TNFRSF11A: variants seen among roughly 807,000 people sequenced by gnomAD.
TNFRSF11A encodes TNF receptor superfamily member 11a.
A neutral mutation model predicts 55.7 loss-of-function variants in TNFRSF11A; 32 were observed. That is an observed-to-expected ratio of 0.57 (90% CI 0.43 to 0.77). TNFRSF11A has a LOEUF of 0.77. Among genes scored for constraint, TNFRSF11A ranks in the 30% least tolerant of loss-of-function variants. The pLI is 0.00. For missense variants in TNFRSF11A, 753 were observed against 809.8 expected (o/e 0.93, Z 0.85); for synonymous variants, 311 against 331.0 (o/e 0.94, Z 0.65).
chr18:62,347,775 G>A (rs1385694640), intron 1 of TNFRSF11A, among the ~76,000 whole-genome samples: 7 of 152,062 alleles, frequency 4.6e-5, no homozygotes, highest in Middle Eastern at 3.4e-3. Flanking sequence ...TAGGTGGTGC[G>A]TGGCTATAGT....
At chr18:62,329,705 C>T (rs973529832) in intron 1 of TNFRSF11A, among the ~76,000 whole-genome samples, 5 of 152,174 alleles carry the variant, frequency 3.3e-5, no homozygotes, top group Non-Finnish European at 5.9e-5. Flanking sequence ...AGCAAGATTA[C>T]GCACAGCCCC....
At chr18:62,344,494 C>G (rs1419502990) in intron 1 of TNFRSF11A, among the ~76,000 whole-genome samples, 1 of 152,212 alleles carries the variant, frequency 6.6e-6, no homozygotes, top group Non-Finnish European at 1.5e-5. Flanking sequence ...CCAAATTTCC[C>G]CATTCCCTGG....
rs751473243 is a variant in TNFRSF11A at position 62,369,299 on chromosome 18, T to A, written c.1382T>A (p.Val461Glu). 1.2e-6 allele frequency: 2 copies of A among 1,611,504 alleles called. No individual in the cohort carries two copies. Among genetic ancestry groups the A allele is most frequent in the Admixed American group, 3.3e-5 (2 of 59,954 alleles). Residue 461 changes from valine (V) to glutamate (E), a missense_variant, in exon 9 of 10, where the codon GTG becomes GAG. Val to Glu is a moderately radical substitution (Grantham distance 121, BLOSUM62 -2). Around this residue, in one of 3 missense-constraint regions of TNFRSF11A, gnomAD observed 567 missense variants for 596.7 expected, o/e 0.95. Coordinates refer to ENST00000586569, the MANE Select transcript of TNFRSF11A (RefSeq NM_003839.4). ...CCTGGGGAGGACTGTGAACCCCTCGTGGGTTCCCCAAAACGTGGACCCTTG... is the reference window on the plus strand; with the variant it reads ...CCTGGGGAGGACTGTGAACCCCTCGAGGGTTCCCCAAAACGTGGACCCTTG... ...NPPGEDCEPL[V>E]GSPKRGPLPQ...
chr18:62,365,301 C>T (rs140115005), intron 7 of TNFRSF11A, among the ~76,000 whole-genome samples: 11 of 152,278 alleles, frequency 7.2e-5, no homozygotes, highest in African/African-American at 2.6e-4. Flanking sequence ...ATTAAATGTT[C>T]ATTAGAAGTG....
In TNFRSF11A at chr18:62,386,644, G is replaced by GTAGTT. The variant is rs1162682834; in HGVS notation, c.*1614_*1615insTTAGT. ...GAGGTTATAAAAGAAAGCACTAATA[G>GTAGTT]TAGTCACTGCCCAGACTTTACTGGC... On this transcript the variant is annotated 3_prime_UTR_variant, in exon 10 of 10. Transcript: ENST00000586569. The GTAGTT allele has an allele frequency of 6.6e-6, 1 of 152,222 alleles. No individual in the cohort carries two copies. Among genetic ancestry groups the GTAGTT allele is most frequent in the Non-Finnish European group, 1.5e-5 (1 of 68,040 alleles). 9.4% of individuals were successfully genotyped at this position (152,222 alleles called of 1,614,324 possible).
chr18:62,348,305 A>G, intron 2 of TNFRSF11A, 56 bp downstream of exon 2: 1 of 1,512,324 alleles, frequency 6.6e-7, no homozygotes, highest in Non-Finnish European at 9.2e-7. Context: ...TGAGGCTTTC[A>G]TTATTTTTTC....
chr18:62,348,043 G>A, intron 1 of TNFRSF11A, 125 bp from the exon 2 acceptor site: 1 of 762,966 alleles, frequency 1.3e-6, no homozygotes, highest in Non-Finnish European at 2.2e-6. Context: ...TGGGCAACAA[G>A]AGCGAAACTC....
chr18:62,359,470 C>G (rs992676330), intron 5 of TNFRSF11A, among the ~76,000 whole-genome samples: 3 of 152,086 alleles, frequency 2.0e-5, no homozygotes, highest in African/African-American at 7.2e-5. Flanking sequence ...CCTTCAACCT[C>G]CTGGGCTCAA....
chr18:62,379,933 C>T (rs764086267), intron 9 of TNFRSF11A, among the ~76,000 whole-genome samples: 1 of 152,174 alleles, frequency 6.6e-6, no homozygotes, highest in East Asian at 1.9e-4. Context: ...AAATGTCCAA[C>T]TTATAAGATG....
chr18:62,353,349 C>G (rs2046501367), intron 3 of TNFRSF11A, among the ~76,000 whole-genome samples: 1 of 152,212 alleles, frequency 6.6e-6, no homozygotes, highest in South Asian at 2.1e-4. Flanking sequence ...CTTATTTTCT[C>G]TGTAAGGCAC....
Position 62,385,054 on chromosome 18 carries a change from G to T in TNFRSF11A, c.*20G>T. ...GCTTGAGCGCCCCCCATGGCTGGGA[G>T]CCCGAAGCTCGGAGCCAGGGCTCGC... On this transcript the variant is annotated 3_prime_UTR_variant, in exon 10 of 10. Coordinates refer to ENST00000586569, the MANE Select transcript of TNFRSF11A (RefSeq NM_003839.4). 6.8e-7 allele frequency: 1 copy of T among 1,460,902 alleles called. No homozygotes were observed. The highest frequency in any genetic ancestry group is 9.0e-7 in the Non-Finnish European group (1 of 1,115,828). The allele number at this position is 1,460,902 out of a possible 1,614,324, so 90.5% of individuals were successfully genotyped here. A position where few individuals can be genotyped will look rare whatever the true frequency, so the allele number is the denominator to read the frequency against.
intron 9 of TNFRSF11A, among the ~76,000 whole-genome samples, chr18:62,376,874 A>C (rs1910933924): frequency 6.6e-6 from 1 of 152,162 alleles, no homozygotes; most frequent in Non-Finnish European, 1.5e-5. Context: ...AGCATTATGA[A>C]TCTAAGTTTC....
At chr18:62,354,843 G>T (rs970283282) in intron 4 of TNFRSF11A, among the ~76,000 whole-genome samples, 7 of 152,190 alleles carry the variant, frequency 4.6e-5, no homozygotes, top group Admixed American at 2.6e-4. Context: ...GAGCCAGCAG[G>T]ATAGTGCAGG....
At chr18:62,338,614 G>A (rs1331906786) in intron 1 of TNFRSF11A, among the ~76,000 whole-genome samples, 1 of 152,128 alleles carries the variant, frequency 6.6e-6, no homozygotes, top group Non-Finnish European at 1.5e-5. Context: ...TATAGAGAGT[G>A]GTCAGACTCA....
rs756218417 is a variant in TNFRSF11A, at chr18:62,361,805, A to G, written c.730+12A>G. Reference sequence around the variant, plus strand: ...GAAAGCACTCACAGGTATTGTGTCTATGGTGGTTTTTGCAAACCAATCTTA... The same window carrying G: ...GAAAGCACTCACAGGTATTGTGTCTGTGGTGGTTTTTGCAAACCAATCTTA... On this transcript the variant is annotated intron_variant, in intron 7 of 9. Coordinates refer to ENST00000586569, the MANE Select transcript of TNFRSF11A (RefSeq NM_003839.4). The G allele has an allele frequency of 1.2e-5, 20 of 1,610,762 alleles. No homozygotes were observed. Among genetic ancestry groups the G allele is most frequent in the Non-Finnish European group, 1.7e-5 (20 of 1,176,984 alleles).
intron 1 of TNFRSF11A, among the ~76,000 whole-genome samples, chr18:62,327,936 G>A (rs980416447): frequency 1.3e-5 from 2 of 152,194 alleles, no homozygotes; most frequent in Non-Finnish European, 1.5e-5. Context: ...AGCTAGTCCT[G>A]CTGTTTATTC....
At position 62,385,229 on chromosome 18, in the gene TNFRSF11A, C is replaced by A; in HGVS notation, c.*195C>A. The A allele has an allele frequency of 1.8e-6, 1 of 561,590 alleles. No homozygotes were observed. Among genetic ancestry groups the A allele is most frequent in the Non-Finnish European group, 2.8e-6 (1 of 356,754 alleles). The allele number at this position is 561,590 out of a possible 1,614,324, so 34.8% of individuals were successfully genotyped here. On this transcript the variant is annotated 3_prime_UTR_variant, in exon 10 of 10. Transcript: ENST00000586569. ...AATTGATGAGGACTGTCCCCATGCC[C>A]ACGGATGCTCAGCAGCCCGCCGCAC... is the stretch of plus-strand genomic sequence containing the variant.
At chr18:62,367,829 T>C (rs368680829) in intron 8 of TNFRSF11A, among the ~76,000 whole-genome samples, 2 of 131,734 alleles carry the variant, frequency 1.5e-5, no homozygotes, top group African/African-American at 5.5e-5. Context: ...AATCTCACTC[T>C]CTCATCCAGG....
chr18:62,373,702 C>A (rs1341222698), intron 9 of TNFRSF11A, among the ~76,000 whole-genome samples: 1 of 152,162 alleles, frequency 6.6e-6, no homozygotes, highest in Non-Finnish European at 1.5e-5. Context: ...CCTGGGCTCA[C>A]CTAGTGTCCT....
Sources: allele counts gnomAD v4.1 joint callset (sites outside exome capture counted in the v4.1 genomes callset), GRCh38; gene constraint gnomAD v4.1.1; regional missense constraint gnomAD v4.1.1; transcripts MANE v1.5; gene names NCBI Gene and HGNC (gene_info 2026-07-23, HGNC 2026-07-21).